Variants in KIF1A observed in about 807,000 individuals in gnomAD.
KIF1A encodes kinesin family member 1A, also known as kinesin-like protein KIF1A.
In KIF1A, 46 loss-of-function variants were observed where a neutral mutation model predicts 227.3. The observed-to-expected ratio is 0.20, with a 90% CI of 0.16 to 0.26. KIF1A has a LOEUF of 0.26. Among genes scored for constraint, KIF1A ranks in the 10% least tolerant of loss-of-function variants. The pLI, the probability that KIF1A is intolerant of heterozygous loss-of-function variation, is 1.00. For synonymous variants in KIF1A, 1,022 were observed against 1,012.8 expected (o/e 1.01, Z -0.17); for missense variants, 1,683 against 2,485.9 (o/e 0.68, Z 6.87).
Position 240,743,968 on chromosome 2 carries a change from G to A in KIF1A, c.3558C>T (p.Phe1186=), listed in dbSNP as rs1301426007. The A allele has an allele frequency of 1.2e-6, 2 of 1,613,490 alleles. No homozygotes were observed. Among genetic ancestry groups the A allele is most frequent in the Middle Eastern group, 1.6e-4 (1 of 6,062 alleles). ...TGAGCACGTCCTTGCAGAGGGGCGG[G>A]AACGGGTGCTGCTGGTAGTGGCCAA... ...EVFGHYQQHP[F]PPLCKDVLSP... Residue 1186 remains phenylalanine, a synonymous_variant, in exon 33 of 49, where the codon TTC becomes TTT. Transcript: ENST00000498729.
chr2:240,717,880 G>A (rs1226166965), intron 48 of KIF1A, among the ~76,000 whole-genome samples, 170 bp downstream of exon 48: 14 of 152,046 alleles, frequency 9.2e-5, no homozygotes, highest in African/African-American at 2.2e-4. Context: ...CAGAGCAACC[G>A]CACCCTGCGG....
Position 240,736,929 on chromosome 2 carries a change from A to C in KIF1A, c.4007+134T>G. On this transcript the variant is annotated intron_variant, in intron 38 of 48. Coordinates refer to ENST00000498729, the MANE Select transcript of KIF1A (RefSeq NM_001244008.2). The surrounding 1 kb of genome is among the most constrained non-coding windows in gnomAD (Gnocchi z 4.7). Reference sequence around the variant, plus strand: ...CAGCCCCTCACCGCACAGCTCCTGCAGGTGCCAGGAGGGAGGGCCGGGAGA... The same window carrying C: ...CAGCCCCTCACCGCACAGCTCCTGCCGGTGCCAGGAGGGAGGGCCGGGAGA... 1 of 715,066 alleles carries C rather than the reference A, an allele frequency of 1.4e-6. No individual in the cohort carries two copies. The highest frequency in any genetic ancestry group is 2.6e-5 in the East Asian group (1 of 38,864). The allele number at this position is 715,066 out of a possible 1,614,324, so 44.3% of individuals were successfully genotyped here.
At chr2:240,734,902 C>T (rs932608066) in intron 38 of KIF1A, among the ~76,000 whole-genome samples, 53 of 152,112 alleles carry the variant, frequency 3.5e-4, no homozygotes, top group African/African-American at 1.3e-3. Flanking sequence ...GGAGGCAAGG[C>T]CATGGAAAAG....
intron 10 of KIF1A, among the ~76,000 whole-genome samples, chr2:240,781,451 A>AG (rs138545527): frequency 0.043 from 2,666 of 62,674 alleles, 357 homozygotes; most frequent in Non-Finnish European, 0.055. Flanking sequence ...ACACACACAC[A>AG]CACACACAGC....
intron 10 of KIF1A, among the ~76,000 whole-genome samples, chr2:240,780,757 TCCCCACACAG>T: frequency 7.7e-6 from 1 of 130,498 alleles, no homozygotes; most frequent in East Asian, 2.4e-4. Flanking sequence ...CTCTGCAGGC[TCCCCACACAG>T]CTCCACACAC....
At chr2:240,750,573 A>T (rs1456941047) in intron 27 of KIF1A, 26 bp from the exon 28 acceptor site, 2 of 1,526,572 alleles carry the variant, frequency 1.3e-6, no homozygotes. Flanking sequence ...GGCGGCGGTC[A>T]TGGGCCACCC....
intron 1 of KIF1A, among the ~76,000 whole-genome samples, chr2:240,816,649 G>A (rs1347882836): frequency 6.6e-6 from 1 of 152,192 alleles, no homozygotes; most frequent in African/African-American, 2.4e-5. Context: ...CCTGGGATTA[G>A]GAGATTAAAT....
chr2:240,722,136 G>A (rs575179332), intron 43 of KIF1A, among the ~76,000 whole-genome samples: 28 of 152,314 alleles, frequency 1.8e-4, no homozygotes, highest in Admixed American at 5.9e-4. Flanking sequence ...TGCAGGAGGC[G>A]CAGGAAGCCT....
Position 240,714,607 on chromosome 2 carries a change from C to T in KIF1A, c.*2757G>A, listed in dbSNP as rs1443569163. 2 of 152,384 alleles carry T rather than the reference C, an allele frequency of 1.3e-5. No homozygotes were observed. Among genetic ancestry groups the T allele is most frequent in the Non-Finnish European group, 2.9e-5 (2 of 68,102 alleles). The allele number at this position is 152,384 out of a possible 1,614,324, so 9.4% of individuals were successfully genotyped here. Reference sequence around the variant, plus strand: ...CCCAAGCACCGCACCCCATGAGCACCTCCACACCAGCCCTCCACCTCACAG... The same window carrying T: ...CCCAAGCACCGCACCCCATGAGCACTTCCACACCAGCCCTCCACCTCACAG... On this transcript the variant is annotated 3_prime_UTR_variant, in exon 49 of 49. Coordinates refer to ENST00000498729, the MANE Select transcript of KIF1A (RefSeq NM_001244008.2).
Position 240,790,188 on chromosome 2 carries a change from C to T in KIF1A, c.107-876G>A, listed in dbSNP as rs1458447944. On this transcript the variant is annotated intron_variant, in intron 2 of 48. Transcript: ENST00000498729. The surrounding 1 kb of genome is among the most constrained non-coding windows in gnomAD (Gnocchi z 5.0). ...GCCGGAAGGACAGGACCCGCTGCCC[C>T]CTGGAACACTGTCTGAACCCAGAAT... 6.6e-6 allele frequency among the ~76,000 whole-genome samples: 1 copy of T among 152,296 alleles called. No homozygotes were observed. The highest frequency in any genetic ancestry group is 1.9e-4 in the East Asian group (1 of 5,142).
chr2:240,757,200 T>G lies in KIF1A; in HGVS notation c.2858+119A>C. 1 of 1,045,692 alleles carries G rather than the reference T, an allele frequency of 9.6e-7. No homozygotes were observed. Among genetic ancestry groups the G allele is most frequent in the Non-Finnish European group, 1.4e-6 (1 of 717,534 alleles). 64.8% of individuals were successfully genotyped at this position (1,045,692 alleles called of 1,614,324 possible). On this transcript the variant is annotated intron_variant, in intron 27 of 48. Coordinates refer to ENST00000498729, the MANE Select transcript of KIF1A (RefSeq NM_001244008.2). The surrounding 1 kb of genome is among the most constrained non-coding windows in gnomAD (Gnocchi z 6.2). ...TCCTCAGGAGGCCAGCCCCTCCACC[T>G]GCCTCGCCTGCCCTGGGAGGGCCCG...
At chr2:240,769,949 T>C (rs1454295031) in intron 15 of KIF1A, among the ~76,000 whole-genome samples, 2 of 152,166 alleles carry the variant, frequency 1.3e-5, no homozygotes, top group African/African-American at 2.4e-5. Flanking sequence ...AAGCAAATGC[T>C]CCTGGGAGAT....
At chr2:240,802,613 GAA>G (rs753525118) in intron 1 of KIF1A, among the ~76,000 whole-genome samples, 1 of 152,160 alleles carries the variant, frequency 6.6e-6, no homozygotes, top group African/African-American at 2.4e-5. Context: ...CTGAGGAGGA[GAA>G]AATATATATC....
intron 28 of KIF1A, among the ~76,000 whole-genome samples, chr2:240,749,912 G>A (rs1456620161): frequency 6.6e-6 from 1 of 152,136 alleles, no homozygotes; most frequent in Non-Finnish European, 1.5e-5. Flanking sequence ...CCCCAGGGAG[G>A]GCTGCCCTGA....
At chr2:240,795,129 G>C (rs2056218558) in intron 2 of KIF1A, among the ~76,000 whole-genome samples, 1 of 152,168 alleles carries the variant, frequency 6.6e-6, no homozygotes, top group Non-Finnish European at 1.5e-5. Context: ...GAGAAGGGGA[G>C]GTTCCTTCAG....
In KIF1A at chr2:240,787,121, T is replaced by G. The variant is rs2055039443; in HGVS notation, c.429+130A>C. The G allele has an allele frequency of 1.6e-5, 12 of 754,360 alleles. No homozygotes were observed. In the South Asian group the frequency reaches 1.9e-4, roughly 12 times the overall value. 46.7% of individuals were successfully genotyped at this position (754,360 alleles called of 1,614,324 possible). On this transcript the variant is annotated intron_variant, in intron 5 of 48. Coordinates refer to ENST00000498729, the MANE Select transcript of KIF1A (RefSeq NM_001244008.2). ...CCAGGCCCGCCGTCTTGCCTGCCAC[T>G]TGGATGAGTGAGGGACAAGCTGGGC...
At chr2:240,774,337 A>T (rs1029200253) in intron 11 of KIF1A, 76 bp from the exon 12 acceptor site, 2 of 850,258 alleles carry the variant, frequency 2.4e-6, no homozygotes, top group Non-Finnish European at 3.8e-6. Flanking sequence ...CCTTCCCCCC[A>T]CATTTACAGA....
In KIF1A at chr2:240,758,567, C is replaced by A; in HGVS notation, c.2445-70G>T. Reference sequence around the variant, plus strand: ...AGCAGCTGGCACCGCACACCCTTATCTCCTGGGGACAGTGGGCTCAGCCTA... The same window carrying A: ...AGCAGCTGGCACCGCACACCCTTATATCCTGGGGACAGTGGGCTCAGCCTA... On this transcript the variant is annotated intron_variant, in intron 25 of 48. Coordinates refer to ENST00000498729, the MANE Select transcript of KIF1A (RefSeq NM_001244008.2). The surrounding 1 kb of genome is among the most constrained non-coding windows in gnomAD (Gnocchi z 5.2). The A allele has an allele frequency of 7.0e-7, 1 of 1,422,554 alleles. No homozygotes were observed. The allele number at this position is 1,422,554 out of a possible 1,614,324, so 88.1% of individuals were successfully genotyped here. A position where few individuals can be genotyped will look rare whatever the true frequency, so the allele number is the denominator to read the frequency against.
chr2:240,769,592 C>A lies in KIF1A; in HGVS notation c.1421+35G>T, dbSNP rs1263624017. On this transcript the variant is annotated intron_variant, in intron 16 of 48. Transcript: ENST00000498729. Reference sequence around the variant, plus strand: ...CAGGCTCCGGGCTTGCTGGCTGCACCCCTCCCCCTGGGCCTCAGTTTCCCC... The same window carrying A: ...CAGGCTCCGGGCTTGCTGGCTGCACACCTCCCCCTGGGCCTCAGTTTCCCC... The A allele has an allele frequency of 1.9e-6, 3 of 1,580,994 alleles. No individual in the cohort carries two copies. In the African/African-American group the frequency reaches 4.0e-5, roughly 21 times the overall value.
Sources: gnomAD v4.1 joint callset for allele counts (sites outside exome capture counted in the v4.1 genomes callset) on GRCh38, gnomAD v4.1.1 for gene constraint, Gnocchi (gnomAD v3.1) non-coding constraint, MANE v1.5 for transcripts, NCBI Gene and HGNC (gene_info 2026-07-23, HGNC 2026-07-21) for gene names.